Variants in C4A observed in about 807,000 individuals in gnomAD.
C4A encodes the protein complement C4A (Chido/Rodgers blood group).
In C4A, 12 loss-of-function variants were observed where a neutral mutation model predicts 45.7. The ratio of observed to expected loss-of-function variants is 0.26; its 90% CI spans 0.17 to 0.43. The LOEUF is 0.43. Among genes scored for constraint, C4A ranks in the 20% least tolerant of loss-of-function variants. The pLI is 1.00. For synonymous variants in C4A, 66 were observed against 230.7 expected, an observed-to-expected ratio of 0.29 and a Z score of 6.47; for missense variants, 127 against 534.4, an observed-to-expected ratio of 0.24 and a Z score of 7.52.
At chr6:31,996,665 G>A (rs1774483884) in intron 28 of C4A, 65 bp downstream of exon 28, 1 of 1,582,662 alleles carries the variant, frequency 6.3e-7, no homozygotes, top group Non-Finnish European at 8.7e-7. Context: ...CCCTGAGTGT[G>A]CCCAGAGGGA....
In C4A at chr6:31,996,504, G is replaced by C. The variant is rs764606599; in HGVS notation, c.3580G>C (p.Ala1194Pro). The stretch of plus-strand genomic sequence containing the variant: ...TGGGCTCCTGGGTGCCCACGCAGCT[G>C]CCATCACGGCCTATGCCCTGACACT... ...SAGLLGAHAAAITAYALTLTK... is the reference protein window; with the variant it reads ...SAGLLGAHAAPITAYALTLTK... The change falls in exon 28 of 41, where the codon GCC becomes CCC. Residue 1194 changes from alanine (A) to proline (P), a missense_variant. Ala to Pro is a conservative substitution (Grantham distance 27, BLOSUM62 -1). Transcript: ENST00000428956. 1 of 1,588,360 alleles carries C rather than the reference G, an allele frequency of 6.3e-7. No individual in the cohort carries two copies. Among genetic ancestry groups the C allele is most frequent in the East Asian group, 2.2e-5 (1 of 44,774 alleles).
Position 31,995,545 on chromosome 6 carries a change from G to C in C4A, c.3154+6G>C. 1 of 637,210 alleles carries C rather than the reference G, an allele frequency of 1.6e-6. No homozygotes were observed. Among genetic ancestry groups the C allele is most frequent in the Non-Finnish European group, 2.6e-6 (1 of 383,020 alleles). The allele number at this position is 637,210 out of a possible 1,614,324, so 39.5% of individuals were successfully genotyped here. On this transcript the variant is annotated splice_donor_region_variant and intron_variant, in intron 24 of 40. Coordinates refer to ENST00000428956, the MANE Select transcript of C4A (RefSeq NM_007293.3). ...CGTGGATCTGATCCAGAAAGGTTCT[G>C]GGTGCAAGGGCAAGCAGGAGGGGGG...
Position 31,996,932 on chromosome 6 carries a change from G to T in C4A, c.3780G>T (p.Leu1260=). Residue 1260 remains leucine, a synonymous_variant, in exon 29 of 41, where the codon CTG becomes CTT. Transcript: ENST00000428956. ...PSDPMPQAPA[L]WIETTAYALL... is the part of the protein sequence containing the mutation. ...ACCCCATGCCCCAGGCCCCAGCCCTGTGGATTGAAACCACAGCCTACGCCC... is the reference window on the plus strand; with the variant it reads ...ACCCCATGCCCCAGGCCCCAGCCCTTTGGATTGAAACCACAGCCTACGCCC... 3 of 829,074 alleles carry T rather than the reference G, an allele frequency of 3.6e-6. No individual in the cohort carries two copies. The South Asian group carries it at 5.2e-5, about 14-fold the overall frequency. The allele number at this position is 829,074 out of a possible 1,614,324, so 51.4% of individuals were successfully genotyped here. A position where few individuals can be genotyped will look rare whatever the true frequency, so the allele number is the denominator to read the frequency against.
chr6:31,996,659 G>A (rs1774483296), intron 28 of C4A, 59 bp downstream of exon 28: 2 of 1,584,958 alleles, frequency 1.3e-6, no homozygotes, highest in African/African-American at 2.8e-5. Flanking sequence ...TAGGATCCCT[G>A]AGTGTGCCCA....
chr6:31,996,616 C>T lies in C4A; in HGVS notation c.3676+16C>T. The T allele has an allele frequency of 6.3e-7, 1 of 1,588,708 alleles. No individual in the cohort carries two copies. Among genetic ancestry groups the T allele is most frequent in the African/African-American group, 1.4e-5 (1 of 73,126 alleles). On this transcript the variant is annotated intron_variant, in intron 28 of 40. Coordinates refer to ENST00000428956, the MANE Select transcript of C4A (RefSeq NM_007293.3). ...GAGACTGGAGGTGAGGGGTGAGGCG[C>T]TCCTGGCAGTGAGCCTGAGGCCCAG... is the stretch of plus-strand genomic sequence containing the variant.
In C4A at chr6:31,993,909, TAC is replaced by T; in HGVS notation, c.2382-3_2382-2del. On this transcript the variant is annotated splice_polypyrimidine_tract_variant and splice_region_variant and intron_variant, in intron 18 of 40. Coordinates refer to ENST00000428956, the MANE Select transcript of C4A (RefSeq NM_007293.3). ...TAGACGGGCCTTCTCTGCCTTTCCCTACACAGATTGACACTGTGGCTCCCCGA... is the reference window on the plus strand; with the variant it reads ...TAGACGGGCCTTCTCTGCCTTTCCCTACAGATTGACACTGTGGCTCCCCGA... The T allele has an allele frequency of 5.3e-6, 1 of 189,264 alleles. No homozygotes were observed. The highest frequency in any genetic ancestry group is 9.3e-6 in the Non-Finnish European group (1 of 107,598). The allele number at this position is 189,264 out of a possible 1,614,324, so 11.7% of individuals were successfully genotyped here.
Position 31,995,900 on chromosome 6 carries a change from G to C in C4A, c.3231-55G>C. ...GGTGGATAACCAGGCACCTGGGGGC[G>C]TGGGCATAATGAGAAGCAAGTCCTT... On this transcript the variant is annotated intron_variant, in intron 25 of 40. Coordinates refer to ENST00000428956, the MANE Select transcript of C4A (RefSeq NM_007293.3). The C allele has an allele frequency of 1.1e-5, 17 of 1,522,916 alleles. 2 individuals are homozygous for C. Among genetic ancestry groups the C allele is most frequent in the African/African-American group, 1.4e-5 (1 of 70,068 alleles). 94.3% of individuals were successfully genotyped at this position (1,522,916 alleles called of 1,614,324 possible). A position where few individuals can be genotyped will look rare whatever the true frequency, so the allele number is the denominator to read the frequency against.
At position 31,996,455 on chromosome 6, in the gene C4A, A is replaced by AT. The variant is rs1774461432; in HGVS notation, c.3536dup (p.Leu1179PhefsTer49). 6.3e-7 allele frequency: 1 copy of AT among 1,588,736 alleles called. No homozygotes were observed. Among genetic ancestry groups the AT allele is most frequent in the Admixed American group, 1.7e-5 (1 of 59,820 alleles). On this transcript the variant is annotated frameshift_variant, in exon 28 of 41. Transcript: ENST00000428956. LOFTEE classifies it high-confidence loss of function. ...AAGCCTCCATCTCAAAGGCAAACTC[A>AT]TTTTTGGGGGAGAAAGCAAGTGCTG...
In C4A at chr6:31,997,902, GT is replaced by G. The variant is rs1774579123; in HGVS notation, c.4137+143del. On this transcript the variant is annotated intron_variant, in intron 31 of 40. Transcript: ENST00000428956. ...GGTGTCCCGTGCTTCCGTCCTGGGTGTTTTTCCCCCTGCTTGCTTTCGCTTG... is the reference window on the plus strand; with the variant it reads ...GGTGTCCCGTGCTTCCGTCCTGGGTGTTTTCCCCCTGCTTGCTTTCGCTTG... The G allele has an allele frequency of 1.3e-5, 7 of 538,068 alleles. No homozygotes were observed. The East Asian group carries it at 2.0e-4, about 16-fold the overall frequency. 33.3% of individuals were successfully genotyped at this position (538,068 alleles called of 1,614,324 possible).
chr6:31,996,236 G>A lies in C4A; in HGVS notation c.3417G>A (p.Val1139=), dbSNP rs1774443624. 1 of 1,570,556 alleles carries A rather than the reference G, an allele frequency of 6.4e-7. No homozygotes were observed. Among genetic ancestry groups the A allele is most frequent in the Non-Finnish European group, 8.7e-7 (1 of 1,144,330 alleles). Reference sequence around the variant, plus strand: ...GTTTGGTGGGCAATGATGAGACTGTGGCACTCACAGCCTTTGTGACCATCG... The same window carrying A: ...GTTTGGTGGGCAATGATGAGACTGTAGCACTCACAGCCTTTGTGACCATCG... ...QGGLVGNDET[V]ALTAFVTIAL... The change falls in exon 27 of 41, where the codon GTG becomes GTA. Residue 1139 remains valine, a synonymous_variant. Coordinates refer to ENST00000428956, the MANE Select transcript of C4A (RefSeq NM_007293.3).
At chr6:31,997,388 G>GT (rs1774537778) in intron 30 of C4A, 77 bp downstream of exon 30, 1 of 270,630 alleles carries the variant, frequency 3.7e-6, no homozygotes, top group Admixed American at 5.8e-5. Context: ...GCCAGAAGCC[G>GT]TCCCCACCCT....
intron 25 of C4A, 25 bp from the exon 26 acceptor site, chr6:31,995,930 C>T: frequency 1.3e-6 from 2 of 1,554,162 alleles, no homozygotes; most frequent in Non-Finnish European, 1.8e-6. Context: ...GTCCTTATCC[C>T]CAACCCTCCT....
At chr6:31,996,158 C>G (rs1360054507) in intron 26 of C4A, 47 bp downstream of exon 26, 16 of 1,585,698 alleles carry the variant, frequency 1.0e-5, no homozygotes, top group Non-Finnish European at 1.4e-5. Flanking sequence ...TCGGAGGACT[C>G]TCTTTGCCCC....
chr6:31,994,391 C>T lies in C4A; in HGVS notation c.2592+7C>T. The T allele has an allele frequency of 7.7e-7, 1 of 1,306,154 alleles. No individual in the cohort carries two copies. The allele number at this position is 1,306,154 out of a possible 1,614,324, so 80.9% of individuals were successfully genotyped here. On this transcript the variant is annotated splice_region_variant and intron_variant, in intron 20 of 40. Transcript: ENST00000428956. ...CCTGGATAAAAACCTGACTGTGAGG[C>T]CCCATAGGAGCCTGAGCATACAGGA... is the stretch of plus-strand genomic sequence containing the variant.
At chr6:31,994,817 TG>T (rs1774375469) in intron 21 of C4A, 110 bp downstream of exon 21, 1 of 1,262,112 alleles carries the variant, frequency 7.9e-7, no homozygotes, top group East Asian at 2.5e-5. Context: ...ACCAATGCCT[TG>T]GTCTGTTCCC....
At position 31,996,476 on chromosome 6, in the gene C4A, T is replaced by G; in HGVS notation, c.3552T>G (p.Ser1184Arg). Reference sequence around the variant, plus strand: ...ACTCATTTTTGGGGGAGAAAGCAAGTGCTGGGCTCCTGGGTGCCCACGCAG... The same window carrying G: ...ACTCATTTTTGGGGGAGAAAGCAAGGGCTGGGCTCCTGGGTGCCCACGCAG... The part of the protein sequence containing the change: ...KANSFLGEKA[S>R]AGLLGAHAAA... Residue 1184 changes from serine to arginine, a missense_variant, in exon 28 of 41, where the codon AGT becomes AGG. Ser to Arg is a moderately radical substitution (Grantham distance 110). Coordinates refer to ENST00000428956, the MANE Select transcript of C4A (RefSeq NM_007293.3). 1 of 1,588,990 alleles carries G rather than the reference T, an allele frequency of 6.3e-7. No individual in the cohort carries two copies. The highest frequency in any genetic ancestry group is 8.6e-7 in the Non-Finnish European group (1 of 1,158,512).
rs573825689 is a variant in C4A at position 31,996,086 on chromosome 6, G to C, written c.3362G>C (p.Cys1121Ser). 52 of 1,587,650 alleles carry C rather than the reference G, an allele frequency of 3.3e-5. No homozygotes were observed. Among genetic ancestry groups the C allele is most frequent in the Admixed American group, 5.0e-5 (3 of 59,692 alleles). The change falls in exon 26 of 41, where the codon TGT (cysteine) becomes TCT (serine). Residue 1121 changes from cysteine (C) to serine (S), a missense_variant. Physicochemically the swap from Cys to Ser is moderately radical, Grantham distance 112. Coordinates refer to ENST00000428956, the MANE Select transcript of C4A (RefSeq NM_007293.3). ...GCTGACGGCTCGTTCCAGGACCCCT[G>C]TCCAGTGTTAGACAGGAGCATGCAG... ...QQADGSFQDPCPVLDRSMQGG... is the reference protein window; with the variant it reads ...QQADGSFQDPSPVLDRSMQGG...
Position 31,995,998 on chromosome 6 carries a change from C to G in C4A, c.3274C>G (p.Gln1092Glu). The change falls in exon 26 of 41, where the codon CAG becomes GAG. Residue 1092 changes from glutamine (Q) to glutamate (E), a missense_variant. Gln to Glu is a conservative substitution (Grantham distance 29). Transcript: ENST00000428956. ...GAAGGTCCTGAGTTTGGCCCAGGAG[C>G]AGGTAGGAGGCTCGCCTGAGAAACT... ...VLKVLSLAQE[Q>E]VGGSPEKLQE... 6.3e-7 allele frequency: 1 copy of G among 1,578,970 alleles called. No homozygotes were observed.
rs1774427859 is a variant in C4A at position 31,996,019 on chromosome 6, A to G, written c.3295A>G (p.Lys1099Glu). 1 of 1,584,278 alleles carries G rather than the reference A, an allele frequency of 6.3e-7. No individual in the cohort carries two copies. Among genetic ancestry groups the G allele is most frequent in the Non-Finnish European group, 8.7e-7 (1 of 1,155,108 alleles). Residue 1099 changes from lysine (K) to glutamate (E), a missense_variant, in exon 26 of 41, where the codon AAA (lysine) becomes GAA (glutamate). Coordinates refer to ENST00000428956, the MANE Select transcript of C4A (RefSeq NM_007293.3). ...AQEQVGGSPE[K>E]LQETSNWLLS... ...GGAGCAGGTAGGAGGCTCGCCTGAG[A>G]AACTGCAGGAGACATCTAACTGGCT...
Sources: allele counts gnomAD v4.1 joint callset, GRCh38; gene constraint gnomAD v4.1.1; transcripts MANE v1.5; gene names NCBI Gene and HGNC (gene_info 2026-07-23, HGNC 2026-07-21).